The following PCNT variants were observed in gnomAD, a reference collection of about 807,000 sequenced individuals.
PCNT encodes the protein pericentrin, also known as kendrin.
PCNT carries 319 observed loss-of-function variants against 380.4 expected under a neutral mutation model. The observed-to-expected ratio is 0.84, with a 90% CI of 0.77 to 0.92. The LOEUF is 0.92. Ranked by LOEUF, PCNT falls within the 40% of genes least tolerant of loss-of-function variation. The probability of loss-of-function intolerance (pLI) is 0.00; values close to 1 mark genes in which losing one functional copy is unlikely to be tolerated. For synonymous variants in PCNT, 1,845 were observed against 1,735.2 expected (o/e 1.06, Z -1.57); for missense variants, 4,400 against 4,255.3 (o/e 1.03, Z -0.95).
At chr21:46,354,202 G>T (rs570485890) in intron 11 of PCNT, 134 bp downstream of exon 11, 345 of 801,076 alleles carry the variant, frequency 4.3e-4, no homozygotes, top group Admixed American at 6.6e-4. Flanking sequence ...TGCGGATGCT[G>T]CCCCGACCTC....
chr21:46,347,131 G>A, intron 5 of PCNT, 133 bp downstream of exon 5: 1 of 1,164,464 alleles, frequency 8.6e-7, no homozygotes, highest in Middle Eastern at 2.9e-4. Context: ...CACCTTGCCT[G>A]GTGTCTGGCA....
At chr21:46,334,789 T>C in intron 3 of PCNT, 21 bp downstream of exon 3, 1 of 1,614,240 alleles carries the variant, frequency 6.2e-7, no homozygotes, top group Non-Finnish European at 8.5e-7. Context: ...AGTTCTCTGT[T>C]AAGGTGTATT....
chr21:46,438,044 T>A (rs917040948), intron 40 of PCNT, 120 bp from the exon 41 acceptor site: 47 of 831,190 alleles, frequency 5.7e-5, no homozygotes, highest in African/African-American at 5.1e-4. Context: ...TCCACAAGCT[T>A]CTCATTGAAC....
intron 37 of PCNT, chr21:46,431,163 G>A: frequency 1.7e-6 from 2 of 1,197,716 alleles, no homozygotes; most frequent in Non-Finnish European, 2.1e-6. Flanking sequence ...TTCTGAAGAG[G>A]GGGCAGGAGC....
chr21:46,438,699 G>C (rs1324020959), intron 41 of PCNT, among the ~76,000 whole-genome samples: 3 of 137,274 alleles, frequency 2.2e-5, no homozygotes, highest in African/African-American at 8.3e-5. Context: ...TTGAGACCGA[G>C]TCTTGCTCTG....
intron 15 of PCNT, among the ~76,000 whole-genome samples, chr21:46,371,542 G>A (rs753378447): frequency 2.6e-5 from 4 of 152,110 alleles, no homozygotes; most frequent in African/African-American, 4.8e-5. Context: ...CAGAATATGC[G>A]TAAGCACTGG....
At chr21:46,392,514 C>T (rs1415708299) in intron 21 of PCNT, among the ~76,000 whole-genome samples, 1 of 152,240 alleles carries the variant, frequency 6.6e-6, no homozygotes, top group African/African-American at 2.4e-5. Flanking sequence ...AGCCACCATG[C>T]CCGGCCAGCT....
intron 32 of PCNT, among the ~76,000 whole-genome samples, chr21:46,422,371 G>A (rs1293670199): frequency 1.3e-5 from 2 of 152,188 alleles, no homozygotes; most frequent in South Asian, 2.1e-4. Flanking sequence ...CTGTGAGCCC[G>A]TGGGCAGGTG....
chr21:46,356,916 G>C, intron 12 of PCNT, 58 bp from the exon 13 acceptor site: 1 of 1,465,410 alleles, frequency 6.8e-7, no homozygotes, highest in Non-Finnish European at 9.6e-7. Context: ...TGCGGACTGT[G>C]GGCTCCATCG....
rs111313920 is a variant in PCNT, at chr21:46,413,321, A to G, written c.6150+329A>G. On this transcript the variant is annotated intron_variant, in intron 29 of 46. Transcript: ENST00000359568. ...GGGGAACGGGGAAGGCACGAGGCCC[A>G]CCCGGGAGAGGCTGGACACGCGGCA... Among the ~76,000 whole-genome samples, 22 of 62,064 alleles carry G rather than the reference A, an allele frequency of 3.5e-4. 2 individuals are homozygous for G. Among genetic ancestry groups the G allele is most frequent in the Admixed American group, 2.9e-4 (2 of 6,844 alleles). The allele number at this position is 62,064 out of a possible 152,430, so 40.7% of individuals were successfully genotyped here.
At chr21:46,436,483 C>T (rs1260260427) in intron 39 of PCNT, among the ~76,000 whole-genome samples, 1 of 85,494 alleles carries the variant, frequency 1.2e-5, no homozygotes, top group Non-Finnish European at 3.1e-5. Flanking sequence ...CCCCCCCCCC[C>T]CCCCCGCTGG....
rs185384718 is a variant in PCNT at position 46,397,573 on chromosome 21, G to A, written c.4446+79G>A. 1.8e-4 allele frequency: 218 copies of A among 1,201,732 alleles called. No homozygotes were observed. The South Asian group carries it at 2.2e-3, about 12-fold the overall frequency. The allele number at this position is 1,201,732 out of a possible 1,614,324, so 74.4% of individuals were successfully genotyped here. ...CATGAACTTCTTTCCAGATCGTTACGTAAGCTTCTGCAGTAGGATGTTGAA... is the reference window on the plus strand; with the variant it reads ...CATGAACTTCTTTCCAGATCGTTACATAAGCTTCTGCAGTAGGATGTTGAA... On this transcript the variant is annotated intron_variant, in intron 22 of 46. Coordinates refer to ENST00000359568, the MANE Select transcript of PCNT (RefSeq NM_006031.6).
chr21:46,326,016 A>T (rs1488882599), intron 1 of PCNT, among the ~76,000 whole-genome samples: 3 of 152,318 alleles, frequency 2.0e-5, no homozygotes, highest in Admixed American at 2.0e-4. Context: ...GAAGGGAGAG[A>T]TTTAGCTTTT....
intron 17 of PCNT, among the ~76,000 whole-genome samples, chr21:46,386,439 A>G (rs9981445): frequency 0.67 from 102,372 of 152,170 alleles, 35,114 homozygotes; most frequent in African/African-American, 0.79. Flanking sequence ...AGACCGGCCC[A>G]AGCAGGGGCC....
At position 46,370,838 on chromosome 21, in the gene PCNT, G is replaced by A. The variant is rs146030032; in HGVS notation, c.3165+3699G>A. Among the ~76,000 whole-genome samples, 122 of 152,226 alleles carry A rather than the reference G, an allele frequency of 8.0e-4. No homozygotes were observed. In the South Asian group the frequency reaches 9.1e-3, roughly 11 times the overall value. ...ATCATGAGGTCAGGAGATCAAGACC[G>A]TCCTGGCTAACACGGTGGAACCCCG... On this transcript the variant is annotated intron_variant, in intron 15 of 46. Coordinates refer to ENST00000359568, the MANE Select transcript of PCNT (RefSeq NM_006031.6).
chr21:46,402,591 G>T, intron 27 of PCNT, 108 bp downstream of exon 27: 2 of 1,184,156 alleles, frequency 1.7e-6, no homozygotes, highest in East Asian at 2.4e-5. Flanking sequence ...CTTCACAGAC[G>T]CCCGTGGCCC....
At chr21:46,397,969 G>A (rs371039890) in intron 22 of PCNT, 45 bp from the exon 23 acceptor site, 26 of 1,485,378 alleles carry the variant, frequency 1.8e-5, no homozygotes, top group Non-Finnish European at 2.1e-5. Flanking sequence ...CAAGGGGCAC[G>A]CCAGCCCCGT....
intron 31 of PCNT, chr21:46,420,460 C>G (rs959062288): frequency 1.3e-5 from 2 of 152,200 alleles, no homozygotes; most frequent in African/African-American, 4.8e-5. Flanking sequence ...TTCCTCTCTC[C>G]TTTAGCTTTA....
chr21:46,354,563 G>T (rs548045766), intron 11 of PCNT, among the ~76,000 whole-genome samples: 1 of 152,222 alleles, frequency 6.6e-6, no homozygotes, highest in Non-Finnish European at 1.5e-5. Flanking sequence ...CCAGCAGTAT[G>T]TGTGGCTGTG....
Sources: gnomAD v4.1 joint callset for allele counts (sites outside exome capture counted in the v4.1 genomes callset) on GRCh38, gnomAD v4.1.1 for gene constraint, MANE v1.5 for transcripts, NCBI Gene and HGNC (gene_info 2026-07-23, HGNC 2026-07-21) for gene names.